Variants in TPRG1 observed in about 807,000 individuals in gnomAD.
TPRG1 encodes the protein tumor protein p63-regulated gene 1 protein.
Under a neutral mutation model 29.3 loss-of-function variants are expected in TPRG1, and 29 were observed. The observed-to-expected ratio is 0.99, with a 90% CI of 0.74 to 1.35. TPRG1 has a LOEUF of 1.35. TPRG1 is among the 40% of genes most tolerant of loss of function. The pLI, the probability that TPRG1 is intolerant of heterozygous loss-of-function variation, is 0.00. For missense variants in TPRG1, 327 were observed against 335.0 expected, an observed-to-expected ratio of 0.98 and a Z score of 0.19; for synonymous variants, 130 against 116.8, an observed-to-expected ratio of 1.11 and a Z score of -0.73.
chr3:189,123,981 A>G (rs1426391868), intron 1 of TPRG1, among the ~76,000 whole-genome samples: 1 of 152,192 alleles, frequency 6.6e-6, no homozygotes, highest in Non-Finnish European at 1.5e-5. Flanking sequence ...ATGATTGTTT[A>G]GGATTTGAAA....
At chr3:189,176,286 G>A (rs1256702683) in intron 1 of TPRG1, among the ~76,000 whole-genome samples, 3 of 152,166 alleles carry the variant, frequency 2.0e-5, no homozygotes, top group Non-Finnish European at 4.4e-5. Flanking sequence ...AAAATGAGGT[G>A]TTTGAACAAG....
intron 4 of TPRG1, among the ~76,000 whole-genome samples, chr3:189,078,504 A>G (rs925683839): frequency 6.6e-6 from 1 of 152,166 alleles, no homozygotes; most frequent in Non-Finnish European, 1.5e-5. Flanking sequence ...TGTATTTCTT[A>G]TACATCTTCT....
intron 4 of TPRG1, among the ~76,000 whole-genome samples, chr3:189,240,960 T>C (rs1336890462): frequency 1.3e-5 from 2 of 152,214 alleles, no homozygotes; most frequent in Admixed American, 6.5e-5. Flanking sequence ...TTTTTAATAG[T>C]GCAGAATATT....
intron 4 of TPRG1, among the ~76,000 whole-genome samples, chr3:189,090,347 C>A (rs1364726948): frequency 6.6e-6 from 1 of 152,076 alleles, no homozygotes; most frequent in East Asian, 1.9e-4. Context: ...AGATCAGAAT[C>A]TCTGATCTAT....
chr3:189,323,177 A>G lies in TPRG1; in HGVS notation c.*2357A>G, dbSNP rs1392142858. ...CAAGGAAAGACTAGATAAAGTCGAT[A>G]TTGTGAGAGGAATTGCTGTATGATA... On this transcript the variant is annotated 3_prime_UTR_variant, in exon 6 of 6. Coordinates refer to ENST00000345063, the MANE Select transcript of TPRG1 (RefSeq NM_198485.4). 6.6e-6 allele frequency: 1 copy of G among 152,106 alleles called. No homozygotes were observed. Among genetic ancestry groups the G allele is most frequent in the East Asian group, 1.9e-4 (1 of 5,184 alleles). 9.4% of individuals were successfully genotyped at this position (152,106 alleles called of 1,614,324 possible).
rs776338280 is a variant in TPRG1 at position 189,238,735 on chromosome 3, T to C, written c.305T>C (p.Ile102Thr). ...TIQGFWLLTK[I>T]DHWNNEKERI... ...ATTTGCTATGATGATTCCTATAGGA[T>C]AGACCACTGGAACAATGAGAAGGAG... The change falls in exon 4 of 6, where the codon ATA (isoleucine) becomes ACA (threonine). Residue 102 changes from isoleucine to threonine, a missense_variant and splice_region_variant. Ile to Thr is a moderately conservative substitution (Grantham distance 89). Coordinates refer to ENST00000345063, the MANE Select transcript of TPRG1 (RefSeq NM_198485.4). 1.2e-6 allele frequency: 2 copies of C among 1,610,500 alleles called. No homozygotes were observed. Among genetic ancestry groups the C allele is most frequent in the East Asian group, 2.2e-5 (1 of 44,844 alleles).
At chr3:189,158,246 A>G (rs1243504559) in intron 5 of TPRG1, among the ~76,000 whole-genome samples, 1 of 152,216 alleles carries the variant, frequency 6.6e-6, no homozygotes, top group Non-Finnish European at 1.5e-5. Context: ...CCTGTGGACT[A>G]GGTTTCACTA....
At chr3:189,145,771 G>A (rs1422329514) in intron 3 of TPRG1, among the ~76,000 whole-genome samples, 2 of 152,190 alleles carry the variant, frequency 1.3e-5, no homozygotes. Flanking sequence ...AAAGATATGC[G>A]TGGAGATGAT....
chr3:189,313,753 C>G (rs940626921), intron 5 of TPRG1, among the ~76,000 whole-genome samples: 8 of 152,028 alleles, frequency 5.3e-5, no homozygotes, highest in Non-Finnish European at 1.0e-4. Context: ...AGGTTCTTGC[C>G]TTTGTGGAAG....
chr3:189,134,403 C>CTTTTTT (rs56318082), intron 3 of TPRG1, among the ~76,000 whole-genome samples: 1 of 121,150 alleles, frequency 8.3e-6, no homozygotes, highest in Non-Finnish European at 1.7e-5. Context: ...TGGGGGTATC[C>CTTTTTT]TTTTTTTTTT....
At chr3:189,047,539 C>A (rs147657503) in intron 4 of TPRG1, among the ~76,000 whole-genome samples, 2 of 152,084 alleles carry the variant, frequency 1.3e-5, no homozygotes, top group Non-Finnish European at 2.9e-5. Flanking sequence ...AATAAGACAG[C>A]AATAAAGTTT....
At chr3:189,156,515 A>T (rs1726703309) in intron 5 of TPRG1, among the ~76,000 whole-genome samples, 2 of 152,194 alleles carry the variant, frequency 1.3e-5, no homozygotes, top group South Asian at 4.1e-4. Context: ...CAAGTTTGTG[A>T]AGAGCAACTG....
intron 4 of TPRG1, among the ~76,000 whole-genome samples, chr3:189,036,087 C>T (rs1410377102): frequency 1.3e-5 from 2 of 151,540 alleles, no homozygotes; most frequent in Non-Finnish European, 2.9e-5. Flanking sequence ...ATATTATGCA[C>T]CTATGAAAAA....
At chr3:189,035,553 T>C (rs1714209696) in intron 4 of TPRG1, among the ~76,000 whole-genome samples, 1 of 152,104 alleles carries the variant, frequency 6.6e-6, no homozygotes, top group Admixed American at 6.5e-5. Context: ...ATGTGTACTA[T>C]CTAGAATCTA....
At chr3:189,032,605 A>G (rs1046221535) in intron 4 of TPRG1, among the ~76,000 whole-genome samples, 14 of 138,746 alleles carry the variant, frequency 1.0e-4, no homozygotes, top group Non-Finnish European at 1.5e-4. Flanking sequence ...CTTTTTTTTT[A>G]TTATTATTAT....
intron 4 of TPRG1, among the ~76,000 whole-genome samples, chr3:189,025,782 G>C (rs1404600896): frequency 1.3e-5 from 2 of 152,132 alleles, no homozygotes; most frequent in Non-Finnish European, 2.9e-5. Context: ...GTTGTCTTTT[G>C]AGTATCTAAG....
chr3:189,086,278 G>C (rs1049480545), intron 4 of TPRG1, among the ~76,000 whole-genome samples: 1 of 152,104 alleles, frequency 6.6e-6, no homozygotes, highest in Non-Finnish European at 1.5e-5. Context: ...TTTTATCCTA[G>C]CTGTGCTGGC....
intron 1 of TPRG1, among the ~76,000 whole-genome samples, chr3:189,179,690 C>T (rs991027843): frequency 1.1e-4 from 17 of 152,186 alleles, no homozygotes; most frequent in African/African-American, 4.1e-4. Context: ...TCTGTTTTCC[C>T]CAGCACAGTA....
intron 3 of TPRG1, among the ~76,000 whole-genome samples, chr3:189,138,909 G>A (rs190805821): frequency 6.8e-4 from 104 of 152,228 alleles, no homozygotes; most frequent in Non-Finnish European, 9.4e-4. Context: ...GTGCCCTGTG[G>A]CCACACTCCT....
Sources: allele counts gnomAD v4.1 joint callset (sites outside exome capture counted in the v4.1 genomes callset), GRCh38; gene constraint gnomAD v4.1.1; transcripts MANE v1.5; gene names NCBI Gene and HGNC (gene_info 2026-07-23, HGNC 2026-07-21).